COMMD10: variants seen among roughly 807,000 people sequenced by gnomAD.
The protein encoded by COMMD10 is COMM domain-containing protein 10.
COMMD10 carries 33 observed loss-of-function variants against 28.9 expected under a neutral mutation model. The observed-to-expected ratio is 1.14, with a 90% CI of 0.87 to 1.53. COMMD10 has a LOEUF of 1.53. Ranked by LOEUF, COMMD10 falls within the 40% of genes most tolerant of loss-of-function variation. The probability of loss-of-function intolerance (pLI) is 0.00; values close to 1 mark genes in which losing one functional copy is unlikely to be tolerated. For missense variants in COMMD10, 310 were observed against 233.4 expected (o/e 1.33, Z -2.14); for synonymous variants, 110 against 81.7 (o/e 1.35, Z -1.87).
chr5:116,259,446 C>G (rs371818773), intron 5 of COMMD10, among the ~76,000 whole-genome samples: 4 of 150,834 alleles, frequency 2.7e-5, no homozygotes, highest in Admixed American at 6.6e-5. Context: ...TTAACGTTTT[C>G]CTCTGTTTCT....
intron 4 of COMMD10, among the ~76,000 whole-genome samples, chr5:116,117,335 C>G (rs192878905): frequency 5.3e-5 from 8 of 152,228 alleles, no homozygotes; most frequent in African/African-American, 9.6e-5. Flanking sequence ...CTGAGACTTC[C>G]TATTTAAGTT....
intron 5 of COMMD10, among the ~76,000 whole-genome samples, chr5:116,234,820 C>A (rs951131495): frequency 1.2e-4 from 19 of 152,084 alleles, no homozygotes; most frequent in Admixed American, 2.6e-4. Flanking sequence ...TGAAGAGATC[C>A]CTTAAAGTAT....
intron 5 of COMMD10, among the ~76,000 whole-genome samples, chr5:116,154,670 C>G (rs924876272): frequency 6.6e-6 from 1 of 151,462 alleles, no homozygotes; most frequent in African/African-American, 2.4e-5. Context: ...CATAGGCCAC[C>G]TTTATTCATC....
intron 5 of COMMD10, among the ~76,000 whole-genome samples, chr5:116,172,976 A>G (rs1200444611): frequency 2.0e-5 from 3 of 152,166 alleles, no homozygotes; most frequent in Non-Finnish European, 4.4e-5. Flanking sequence ...AAAGTTTATA[A>G]AATTTAAACT....
chr5:116,263,310 A>G (rs1441946048), intron 5 of COMMD10, among the ~76,000 whole-genome samples: 1 of 151,782 alleles, frequency 6.6e-6, no homozygotes, highest in African/African-American at 2.4e-5. Flanking sequence ...AATTCTCATC[A>G]GATGGGTTTT....
At chr5:116,215,686 A>T (rs1173078429) in intron 5 of COMMD10, among the ~76,000 whole-genome samples, 1 of 112,862 alleles carries the variant, frequency 8.9e-6, no homozygotes, top group African/African-American at 3.2e-5. Context: ...GAGTCCAGCT[A>T]AAAAAAGAAA....
intron 5 of COMMD10, among the ~76,000 whole-genome samples, chr5:116,161,724 C>T (rs1752925076): frequency 1.3e-5 from 2 of 152,160 alleles, no homozygotes; most frequent in African/African-American, 4.8e-5. Context: ...TCTTCATCCT[C>T]ATCATCTTCA....
intron 4 of COMMD10, among the ~76,000 whole-genome samples, chr5:116,131,548 A>G (rs1330178166): frequency 6.6e-6 from 1 of 151,970 alleles, no homozygotes. Context: ...ATTCATTTTC[A>G]TGTGAATACT....
intron 5 of COMMD10, among the ~76,000 whole-genome samples, chr5:116,187,904 A>T (rs1182672237): frequency 1.3e-5 from 2 of 152,142 alleles, no homozygotes; most frequent in Admixed American, 6.6e-5. Flanking sequence ...TAGAATTCTG[A>T]GAGAATAATA....
intron 5 of COMMD10, among the ~76,000 whole-genome samples, chr5:116,168,710 C>T (rs1236916353): frequency 6.6e-6 from 1 of 152,172 alleles, no homozygotes; most frequent in Non-Finnish European, 1.5e-5. Flanking sequence ...GGAAACTGAA[C>T]AACCTGCTGC....
At chr5:116,122,141 C>G (rs1751455828) in intron 4 of COMMD10, among the ~76,000 whole-genome samples, 1 of 152,122 alleles carries the variant, frequency 6.6e-6, no homozygotes, top group Admixed American at 6.5e-5. Context: ...TGTAAGCCAT[C>G]TTGAATTAAT....
intron 5 of COMMD10, among the ~76,000 whole-genome samples, chr5:116,202,803 T>C (rs1486686075): frequency 2.0e-5 from 3 of 151,504 alleles, no homozygotes; most frequent in Non-Finnish European, 4.4e-5. Context: ...GTCAGATGAG[T>C]AGGTTGCGAA....
rs532384645 is a variant in COMMD10, at chr5:116,289,039, G to A, written c.511-2478G>A. Among the ~76,000 whole-genome samples, 75 of 151,310 alleles carry A rather than the reference G, an allele frequency of 5.0e-4. 3 individuals carry two copies. The highest frequency in any genetic ancestry group is 3.4e-3 in the Middle Eastern group (1 of 290). Reference sequence around the variant, plus strand: ...TGGGATTAAAGGTGCATGCCACCATGCCTGGCTAATTTTTGTATTTTTAGT... The same window carrying A: ...TGGGATTAAAGGTGCATGCCACCATACCTGGCTAATTTTTGTATTTTTAGT... On this transcript the variant is annotated intron_variant, in intron 5 of 6. Coordinates refer to ENST00000274458, the MANE Select transcript of COMMD10 (RefSeq NM_016144.4).
At chr5:116,199,653 T>A (rs1026832435) in intron 5 of COMMD10, among the ~76,000 whole-genome samples, 1 of 152,208 alleles carries the variant, frequency 6.6e-6, no homozygotes, top group South Asian at 2.1e-4. Flanking sequence ...GTTTCTGACC[T>A]GTCTCCTTTA....
chr5:116,160,984 T>C (rs562483422), intron 5 of COMMD10, among the ~76,000 whole-genome samples: 1 of 152,304 alleles, frequency 6.6e-6, no homozygotes, highest in African/African-American at 2.4e-5. Flanking sequence ...CATGTTAATA[T>C]CATTTTTAAA....
intron 4 of COMMD10, among the ~76,000 whole-genome samples, chr5:116,133,121 C>G (rs896525764): frequency 1.3e-5 from 2 of 152,114 alleles, no homozygotes; most frequent in Non-Finnish European, 2.9e-5. Flanking sequence ...CCCAGTATTG[C>G]TAAGGTAGTT....
At chr5:116,235,730 T>C (rs1275885472) in intron 5 of COMMD10, among the ~76,000 whole-genome samples, 2 of 152,188 alleles carry the variant, frequency 1.3e-5, no homozygotes, top group Non-Finnish European at 2.9e-5. Flanking sequence ...CCAATTTGAT[T>C]CACATTCTTG....
At chr5:116,148,557 G>C (rs935160815) in intron 5 of COMMD10, among the ~76,000 whole-genome samples, 34 of 151,888 alleles carry the variant, frequency 2.2e-4, no homozygotes, top group Admixed American at 6.6e-4. Context: ...GAATTGTCTA[G>C]GTACAACTTC....
In COMMD10 at chr5:116,270,396, T is replaced by C. The variant is rs537113618; in HGVS notation, c.511-21121T>C. Among the ~76,000 whole-genome samples, 10 of 152,024 alleles carry C rather than the reference T, an allele frequency of 6.6e-5. No individual in the cohort carries two copies. The South Asian group carries it at 2.1e-3, about 32-fold the overall frequency. On this transcript the variant is annotated intron_variant, in intron 5 of 6. Transcript: ENST00000274458. ...AGCTTTAACTTCTAGGCAAAAAAGG[T>C]AGAACTTTACAGTTGGTTGTGGAGA...
Sources: allele counts gnomAD v4.1 joint callset (sites outside exome capture counted in the v4.1 genomes callset), GRCh38; gene constraint gnomAD v4.1.1; transcripts MANE v1.5; gene names NCBI Gene and HGNC (gene_info 2026-07-23, HGNC 2026-07-21).